Variants in SYTL5 observed in about 807,000 individuals in gnomAD.
SYTL5 encodes the protein synaptotagmin like 5.
SYTL5 carries 34 observed loss-of-function variants against 55.9 expected under a neutral mutation model. That is an observed-to-expected ratio of 0.61 (90% confidence interval 0.46 to 0.81). The LOEUF (loss-of-function observed/expected upper bound fraction) is 0.81, where lower values mean the gene tolerates loss of function less well. Ranked by LOEUF, SYTL5 falls within the 30% of genes least tolerant of loss-of-function variation. The probability of loss-of-function intolerance (pLI) is 0.00; values close to 1 mark genes in which losing one functional copy is unlikely to be tolerated. For synonymous variants in SYTL5, 221 were observed against 188.7 expected (o/e 1.17, Z -1.40); for missense variants, 637 against 546.7 (o/e 1.17, Z -1.65).
chrX:38,119,172 G>C (rs1157062061), intron 13 of SYTL5, among the ~76,000 whole-genome samples: 1 of 109,522 alleles, frequency 9.1e-6, no homozygotes, highest in Non-Finnish European at 1.9e-5. Flanking sequence ...TCCCAGTTTG[G>C]TACTCATTTG....
upstream of SYTL5, among the ~76,000 whole-genome samples, chrX:38,001,693 T>G (rs1933863101): frequency 9.0e-6 from 1 of 111,420 alleles, no homozygotes; most frequent in Admixed American, 9.5e-5. Context: ...TCTCTATCCA[T>G]CTGTTGATGG....
chrX:37,969,554 AT>A, the SYTL5 span, among the ~76,000 whole-genome samples: 1 of 112,181 alleles, frequency 8.9e-6, no homozygotes, highest in Admixed American at 9.4e-5. Flanking sequence ...TTCGAAAACA[AT>A]TTTTCTCCCT....
At position 38,034,005 on chromosome X, in the gene SYTL5, T is replaced by C; in HGVS notation, c.116T>C (p.Ile39Thr). ...TTGAAAAAAGTGGAGGACAAGAGAA[T>C]AAGGTAGTATTCTTTTTATTTTTTC... ...EYLKKVEDKR[I>T]RKLKNELLEA... The change falls in exon 2 of 17, where the codon ATA becomes ACA. Residue 39 changes from isoleucine (I) to threonine (T), a missense_variant. Physicochemically the swap from Ile to Thr is moderately conservative, Grantham distance 89. Coordinates refer to ENST00000297875, the MANE Select transcript of SYTL5 (RefSeq NM_138780.3). 1 of 1,098,591 alleles carries C rather than the reference T, an allele frequency of 9.1e-7. No homozygotes were observed. Among genetic ancestry groups the C allele is most frequent in the Non-Finnish European group, 1.2e-6 (1 of 803,680 alleles). 90.5% of individuals were successfully genotyped at this position (1,098,591 alleles called of 1,213,427 possible). A position where few individuals can be genotyped will look rare whatever the true frequency, so the allele number is the denominator to read the frequency against.
the SYTL5 span, among the ~76,000 whole-genome samples, chrX:37,973,276 C>T: frequency 9.0e-6 from 1 of 111,352 alleles, no homozygotes; most frequent in South Asian, 3.8e-4. Context: ...ACTCCCTCGA[C>T]CCCTTAGGTA....
In SYTL5 at chrX:38,033,897, A is replaced by G. The variant is rs1219096988; in HGVS notation, c.8A>G (p.Lys3Arg). The change falls in exon 2 of 17, where the codon AAG becomes AGG. Residue 3 changes from lysine (K) to arginine (R), a missense_variant. Transcript: ENST00000297875. MSKNSEFINLSFL... is the reference protein window; with the variant it reads MSRNSEFINLSFL... ...AGCTGCTGCTGAAATACCATGTCTAAGAACTCAGAGTTCATCAATCTGTCA... is the reference window on the plus strand; with the variant it reads ...AGCTGCTGCTGAAATACCATGTCTAGGAACTCAGAGTTCATCAATCTGTCA... The G allele has an allele frequency of 8.6e-7, 1 of 1,164,769 alleles. No homozygotes were observed. The highest frequency in any genetic ancestry group is 3.0e-5 in the East Asian group (1 of 33,415).
chrX:37,973,530 C>A, the SYTL5 span, among the ~76,000 whole-genome samples: 1 of 111,779 alleles, frequency 8.9e-6, no homozygotes, highest in Non-Finnish European at 1.9e-5. Flanking sequence ...TGATTTAACT[C>A]CTCACTTCCC....
At chrX:37,983,334 T>C in the SYTL5 span, among the ~76,000 whole-genome samples, 1 of 111,979 alleles carries the variant, frequency 8.9e-6, no homozygotes, top group Non-Finnish European at 1.9e-5. Flanking sequence ...AGTAAAACAA[T>C]GGCAAAACAT....
rs1419621519 is a variant in SYTL5 at position 38,033,640 on chromosome X, G to C, written c.-250G>C. 5.4e-6 allele frequency: 1 copy of C among 184,788 alleles called. No homozygotes were observed. Among genetic ancestry groups the C allele is most frequent in the African/African-American group, 2.9e-5 (1 of 34,010 alleles). The allele number at this position is 184,788 out of a possible 1,213,427, so 15.2% of individuals were successfully genotyped here. ...TGCCTGACTGTATACCACAGCAAAG[G>C]CTTTGGAAACATTTTTCAGTTAAAA... On this transcript the variant is annotated 5_prime_UTR_variant, in exon 2 of 17. Coordinates refer to ENST00000297875, the MANE Select transcript of SYTL5 (RefSeq NM_138780.3).
At chrX:38,025,115 G>C (rs1223337964) in intron 1 of SYTL5, among the ~76,000 whole-genome samples, 1 of 111,942 alleles carries the variant, frequency 8.9e-6, no homozygotes, top group Non-Finnish European at 1.9e-5. Context: ...TCCTCTATTT[G>C]AAAGGCATCC....
At chrX:37,979,730 C>A in the SYTL5 span, among the ~76,000 whole-genome samples, 3 of 107,860 alleles carry the variant, frequency 2.8e-5, no homozygotes, top group Admixed American at 3.0e-4. Context: ...CTTGTGTTTG[C>A]TTGCCACTGA....
intron 8 of SYTL5, 122 bp from the exon 9 acceptor site, chrX:38,096,012 G>T (rs967511945): frequency 5.4e-6 from 2 of 372,290 alleles, no homozygotes; most frequent in African/African-American, 5.2e-5. Context: ...TGCTTTCATG[G>T]CACTATTTAT....
At chrX:38,011,096 G>C (rs1301583573) in intron 1 of SYTL5, among the ~76,000 whole-genome samples, 1 of 112,182 alleles carries the variant, frequency 8.9e-6, no homozygotes, top group Non-Finnish European at 1.9e-5. Context: ...CTGGTTAAAA[G>C]GGCATGCTCT....
At chrX:37,984,258 A>G in the SYTL5 span, among the ~76,000 whole-genome samples, 10 of 112,014 alleles carry the variant, frequency 8.9e-5, no homozygotes, top group African/African-American at 2.9e-4. Flanking sequence ...ATAATAAAAA[A>G]GAGAGAATTC....
chrX:37,945,728 T>C, the SYTL5 span, among the ~76,000 whole-genome samples: 4 of 111,981 alleles, frequency 3.6e-5, no homozygotes, highest in Non-Finnish European at 7.5e-5. Context: ...TAGAAGTCAG[T>C]TTGAGTTTTA....
At chrX:37,897,978 A>G in the SYTL5 span, among the ~76,000 whole-genome samples, 1 of 111,379 alleles carries the variant, frequency 9.0e-6, no homozygotes, top group Admixed American at 9.5e-5. Context: ...GGTACCCGTA[A>G]TCTCAGCTAC....
the SYTL5 span, among the ~76,000 whole-genome samples, chrX:37,941,190 G>T: frequency 9.0e-6 from 1 of 111,731 alleles, no homozygotes; most frequent in African/African-American, 3.3e-5. Context: ...CGACTTCAGG[G>T]ATTCCCTGCC....
intron 2 of SYTL5, among the ~76,000 whole-genome samples, chrX:38,039,477 A>T (rs1252992853): frequency 8.9e-6 from 1 of 112,189 alleles, no homozygotes; most frequent in Non-Finnish European, 1.9e-5. Flanking sequence ...TCAGACTAAC[A>T]TGTACGTGGG....
chrX:37,920,078 A>G, the SYTL5 span, among the ~76,000 whole-genome samples: 1 of 111,601 alleles, frequency 9.0e-6, no homozygotes, highest in African/African-American at 3.3e-5. Context: ...TGGGAGGATC[A>G]AAAGATATTC....
chrX:37,894,277 C>A, the SYTL5 span, among the ~76,000 whole-genome samples: 17 of 111,403 alleles, frequency 1.5e-4, no homozygotes, highest in East Asian at 4.8e-3. Flanking sequence ...AAGCTTTTGG[C>A]AGAACATGCA....
Sources: allele counts gnomAD v4.1 joint callset (sites outside exome capture counted in the v4.1 genomes callset), GRCh38; gene constraint gnomAD v4.1.1; transcripts MANE v1.5; gene names NCBI Gene and HGNC (gene_info 2026-07-23, HGNC 2026-07-21).